CYP46A1: variants seen among roughly 807,000 people sequenced by gnomAD.
The protein encoded by CYP46A1 is cholesterol 24-hydroxylase.
A neutral mutation model predicts 63.3 loss-of-function variants in CYP46A1; 20 were observed. The observed-to-expected ratio is 0.32, with a 90% CI of 0.22 to 0.46. The LOEUF (loss-of-function observed/expected upper bound fraction) is 0.46, where lower values mean the gene tolerates loss of function less well. Ranked by LOEUF, CYP46A1 falls within the 20% of genes least tolerant of loss-of-function variation. The pLI is 1.00. For synonymous variants in CYP46A1, 268 were observed against 273.6 expected, an observed-to-expected ratio of 0.98 and a Z score of 0.20; for missense variants, 445 against 670.8, an observed-to-expected ratio of 0.66 and a Z score of 3.72.
chr14:99,688,599 C>A (rs1461349425), intron 1 of CYP46A1, among the ~76,000 whole-genome samples: 2 of 152,148 alleles, frequency 1.3e-5, no homozygotes, highest in Non-Finnish European at 2.9e-5. Flanking sequence ...CAGCACTTTT[C>A]CTCCTCTTCT....
chr14:99,688,483 T>G (rs1010526308), intron 1 of CYP46A1, among the ~76,000 whole-genome samples: 1 of 152,258 alleles, frequency 6.6e-6, no homozygotes, highest in Non-Finnish European at 1.5e-5. Context: ...GCCCACCTCC[T>G]GCCCCAGGCC....
chr14:99,710,008 A>G (rs2056715016), intron 7 of CYP46A1: 2 of 152,166 alleles, frequency 1.3e-5, no homozygotes, highest in African/African-American at 4.8e-5. Context: ...AAGAGAAATA[A>G]AGTCTGTCCC....
Position 99,722,006 on chromosome 14 carries a change from C to G in CYP46A1, c.1116C>G (p.Arg372=), listed in dbSNP as rs775360092. Residue 372 remains arginine (R), a synonymous_variant, in exon 12 of 15, where the codon CGC becomes CGG. Coordinates refer to ENST00000261835, the MANE Select transcript of CYP46A1 (RefSeq NM_006668.2). This position sits in a 1 kb window ranked among gnomAD's most constrained non-coding sequence, Gnocchi z 4.6. ...ACCCACCAGCATGGGGCACCTTTCG[C>G]CTGCTGGAAGAGGAGACCTTGATTG... ...RLYPPAWGTF[R]LLEEETLIDG... The G allele has an allele frequency of 1.5e-5, 24 of 1,613,650 alleles. No individual in the cohort carries two copies. In the South Asian group the frequency reaches 1.8e-4, roughly 12 times the overall value.
chr14:99,706,541 C>G (rs1179876691), intron 5 of CYP46A1, 106 bp from the exon 6 acceptor site: 1 of 1,478,066 alleles, frequency 6.8e-7, no homozygotes, highest in African/African-American at 1.4e-5. Flanking sequence ...GGAGGGACCA[C>G]CCACCTTCAC....
intron 10 of CYP46A1, among the ~76,000 whole-genome samples, chr14:99,719,079 G>T (rs1186612485): frequency 6.6e-6 from 1 of 151,984 alleles, no homozygotes; most frequent in African/African-American, 2.4e-5. Context: ...CTACCTCATT[G>T]TAACCTCCTC....
chr14:99,712,633 A>G (rs1268791640), intron 7 of CYP46A1: 1 of 152,212 alleles, frequency 6.6e-6, no homozygotes, highest in Admixed American at 6.5e-5. Flanking sequence ...AACACTGATG[A>G]AAGAAATTGA....
chr14:99,711,237 T>C (rs1490243954), intron 7 of CYP46A1: 2 of 151,932 alleles, frequency 1.3e-5, no homozygotes, highest in African/African-American at 2.4e-5. Context: ...CCAAATGATA[T>C]ATCTCAAGGA....
At position 99,715,930 on chromosome 14, in the gene CYP46A1, C is replaced by T. The variant is rs1269926949; in HGVS notation, c.814C>T (p.Pro272Ser). ...AGCCCTGAAGAGGGGCGAGGAGGTT[C>T]CTGCCGACATCCTCACACAGATTCT... ...REALKRGEEV[P>S]ADILTQILKA... The change falls in exon 8 of 15, where the codon CCT becomes TCT. Residue 272 changes from proline to serine, a missense_variant. Pro to Ser is a moderately conservative substitution (Grantham distance 74, BLOSUM62 -1). This residue lies in a region of CYP46A1 where 252 missense variants were observed against 383.3 expected (regional missense o/e 0.66). Coordinates refer to ENST00000261835, the MANE Select transcript of CYP46A1 (RefSeq NM_006668.2). 6.2e-7 allele frequency: 1 copy of T among 1,612,052 alleles called. No individual in the cohort carries two copies. The highest frequency in any genetic ancestry group is 2.2e-5 in the East Asian group (1 of 44,850).
chr14:99,706,744 C>G lies in CYP46A1; in HGVS notation c.541C>G (p.Gln181Glu), dbSNP rs1398796463. The G allele has an allele frequency of 6.2e-7, 1 of 1,613,534 alleles. No homozygotes were observed. The highest frequency in any genetic ancestry group is 8.5e-7 in the Non-Finnish European group (1 of 1,179,974). The part of the protein sequence containing the change: ...KADGQTPVSM[Q>E]DMLTYTAMDI... ...AGATGGGCAGACCCCAGTGTCCATGCAGGACATGCTGACCTACACCGCCAT... is the reference window on the plus strand; with the variant it reads ...AGATGGGCAGACCCCAGTGTCCATGGAGGACATGCTGACCTACACCGCCAT... The change falls in exon 6 of 15, where the codon CAG (glutamine) becomes GAG (glutamate). Residue 181 changes from glutamine to glutamate, a missense_variant. By Grantham distance (29) the Gln-to-Glu change is conservative. Coordinates refer to ENST00000261835, the MANE Select transcript of CYP46A1 (RefSeq NM_006668.2).
At chr14:99,689,009 A>G (rs1245067438) in intron 1 of CYP46A1, among the ~76,000 whole-genome samples, 3 of 151,654 alleles carry the variant, frequency 2.0e-5, no homozygotes, top group Non-Finnish European at 2.9e-5. Flanking sequence ...TATGCTCCCA[A>G]CTTCTCAGTG....
intron 5 of CYP46A1, chr14:99,706,071 T>C (rs930748809): frequency 6.6e-6 from 1 of 152,246 alleles, no homozygotes; most frequent in Non-Finnish European, 1.5e-5. Flanking sequence ...GAGTTTGGAG[T>C]GCATTCTTCC....
intron 7 of CYP46A1, 21 bp from the exon 8 acceptor site, chr14:99,715,789 G>A: frequency 6.2e-7 from 1 of 1,614,062 alleles, no homozygotes; most frequent in Non-Finnish European, 8.5e-7. Context: ...TTGGCCATCT[G>A]GAGCTGAAAC....
intron 3 of CYP46A1, among the ~76,000 whole-genome samples, chr14:99,695,175 T>A (rs1258617286): frequency 3.9e-5 from 6 of 152,240 alleles, no homozygotes; most frequent in Admixed American, 3.9e-4. Flanking sequence ...ATTTCAGTCC[T>A]TTTAAATTAA....
chr14:99,702,011 A>G (rs1218270136), intron 5 of CYP46A1, among the ~76,000 whole-genome samples: 1 of 145,122 alleles, frequency 6.9e-6, no homozygotes, highest in Non-Finnish European at 1.5e-5. Context: ...CGGAGGTTGA[A>G]GTGAGCTGAG....
Position 99,722,860 on chromosome 14 carries a change from G to T in CYP46A1, c.1176+794G>T. On this transcript the variant is annotated intron_variant, in intron 12 of 14. Transcript: ENST00000261835. This position sits in a 1 kb window ranked among gnomAD's most constrained non-coding sequence, Gnocchi z 4.6. The stretch of plus-strand genomic sequence containing the variant: ...TCCCTATCTCGAGCACCACAGCAAC[G>T]ATGCCATTTCTGTCCGCATGTCCAG... The T allele has an allele frequency of 2.2e-6, 1 of 447,306 alleles. No homozygotes were observed. The highest frequency in any genetic ancestry group is 4.5e-6 in the Non-Finnish European group (1 of 220,312). The allele number at this position is 447,306 out of a possible 1,614,324, so 27.7% of individuals were successfully genotyped here. A position where few individuals can be genotyped will look rare whatever the true frequency, so the allele number is the denominator to read the frequency against.
Position 99,706,746 on chromosome 14 carries a change from G to C in CYP46A1, c.543G>C (p.Gln181His). The change falls in exon 6 of 15, where the codon CAG becomes CAC. Residue 181 changes from glutamine (Q) to histidine (H), a missense_variant. Physicochemically the swap from Gln to His is conservative, Grantham distance 24. This residue lies in a region of CYP46A1 where 252 missense variants were observed against 383.3 expected (regional missense o/e 0.66). Transcript: ENST00000261835. ...ATGGGCAGACCCCAGTGTCCATGCA[G>C]GACATGCTGACCTACACCGCCATGG... is the stretch of plus-strand genomic sequence containing the variant. Reference protein sequence around the residue: ...KADGQTPVSMQDMLTYTAMDI... With the variant: ...KADGQTPVSMHDMLTYTAMDI... 6.2e-7 allele frequency: 1 copy of C among 1,613,586 alleles called. No individual in the cohort carries two copies. Among genetic ancestry groups the C allele is most frequent in the South Asian group, 1.1e-5 (1 of 91,042 alleles).
intron 1 of CYP46A1, among the ~76,000 whole-genome samples, chr14:99,689,547 G>T (rs2056525319): frequency 1.3e-5 from 2 of 152,142 alleles, no homozygotes; most frequent in Admixed American, 6.5e-5. Flanking sequence ...CAAATTGCAG[G>T]GGGTGGGCAC....
intron 6 of CYP46A1, among the ~76,000 whole-genome samples, chr14:99,707,175 A>G (rs879301485): frequency 6.6e-6 from 1 of 152,184 alleles, no homozygotes; most frequent in Non-Finnish European, 1.5e-5. Context: ...ACCCCACTTT[A>G]TGTGGGGGCG....
At chr14:99,703,639 C>T (rs1304249963) in intron 5 of CYP46A1, 7 of 985,236 alleles carry the variant, frequency 7.1e-6, no homozygotes, top group Non-Finnish European at 8.4e-6. Context: ...AAGATGTCAC[C>T]TACTGAGGCT....
Sources: allele counts gnomAD v4.1 joint callset (sites outside exome capture counted in the v4.1 genomes callset), GRCh38; gene constraint gnomAD v4.1.1; regional missense constraint gnomAD v4.1.1; non-coding constraint Gnocchi (gnomAD v3.1); transcripts MANE v1.5; gene names NCBI Gene and HGNC (gene_info 2026-07-23, HGNC 2026-07-21).